Variants in PPFIBP1 observed in about 807,000 individuals in gnomAD.
The protein encoded by PPFIBP1 is liprin-beta-1.
PPFIBP1 carries 112 observed loss-of-function variants against 137.8 expected under a neutral mutation model. That is an observed-to-expected ratio of 0.81 (90% CI 0.70 to 0.95). The LOEUF (loss-of-function observed/expected upper bound fraction) is 0.95. Ranked by LOEUF, PPFIBP1 falls within the 40% of genes least tolerant of loss-of-function variation. PPFIBP1 has a pLI of 0.00. For missense variants in PPFIBP1, 1,083 were observed against 1,196.6 expected (o/e 0.91, Z 1.40); for synonymous variants, 378 against 417.3 (o/e 0.91, Z 1.15).
intron 2 of PPFIBP1, chr12:27,593,871 TG>T: frequency 6.9e-7 from 1 of 1,451,278 alleles, no homozygotes; most frequent in Non-Finnish European, 9.1e-7. Context: ...GCCCCTTGGA[TG>T]GGAGGGAGAA....
chr12:27,635,430 G>A (rs2057586442), intron 4 of PPFIBP1: 1 of 499,544 alleles, frequency 2.0e-6, no homozygotes. Flanking sequence ...TCTTGCACAT[G>A]ATAGATGATT....
At chr12:27,535,245 G>C (rs1592296913) in intron 1 of PPFIBP1, among the ~76,000 whole-genome samples, 1 of 152,040 alleles carries the variant, frequency 6.6e-6, no homozygotes, top group African/African-American at 2.4e-5. Flanking sequence ...CTCTTGACTT[G>C]TCATAGTATT....
chr12:27,537,383 G>A (rs994419909), intron 1 of PPFIBP1, among the ~76,000 whole-genome samples: 1 of 152,022 alleles, frequency 6.6e-6, no homozygotes, highest in Admixed American at 6.6e-5. Flanking sequence ...CGCCGGCCTC[G>A]GCCTCCCAAA....
chr12:27,642,304 G>A (rs1023010828), intron 4 of PPFIBP1, among the ~76,000 whole-genome samples: 3 of 152,198 alleles, frequency 2.0e-5, no homozygotes, highest in African/African-American at 7.2e-5. Flanking sequence ...CTCCAATTTC[G>A]ACTTAGCTGG....
In PPFIBP1 at chr12:27,650,009, G is replaced by C; in HGVS notation, c.472-1G>C. 1.9e-6 allele frequency: 3 copies of C among 1,598,334 alleles called. No individual in the cohort carries two copies. The South Asian group carries it at 3.3e-5, about 18-fold the overall frequency. ...TGAATGTATCTGTTAAATTATAATA[G>C]GAGCTTCTAAGTAGGACATCCTTAG... On this transcript the variant is annotated splice_acceptor_variant, in intron 6 of 29. Transcript: ENST00000228425. LOFTEE classifies it high-confidence loss of function.
At position 27,692,222 on chromosome 12, in the gene PPFIBP1, C is replaced by G. The variant is rs971814482; in HGVS notation, c.2865+294C>G. On this transcript the variant is annotated intron_variant, in intron 28 of 29. Coordinates refer to ENST00000228425, the MANE Select transcript of PPFIBP1 (RefSeq NM_003622.4). ...CTTGCCCAAGGTCCCCAACCTGTCT[C>G]TTTGGCTCCAAAGCCTGTCATATTT... Among the ~76,000 whole-genome samples the G allele has an allele frequency of 1.6e-4, 24 of 152,300 alleles. No individual in the cohort carries two copies. In the South Asian group the frequency reaches 4.4e-3, roughly 28 times the overall value.
Position 27,634,995 on chromosome 12 carries a change from C to G in PPFIBP1, c.150C>G (p.His50Gln). The change falls in exon 4 of 30, where the codon CAC becomes CAG. Residue 50 changes from histidine (H) to glutamine (Q), a missense_variant. Transcript: ENST00000228425. ...TCATGGGAAGTTTGCGAGCTCTGCA[C>G]CTTGTGGAAGACCTGCGTGGATTGT... Reference protein sequence around the residue: ...SPFMGSLRALHLVEDLRGLLE... With the variant: ...SPFMGSLRALQLVEDLRGLLE... 6.2e-7 allele frequency: 1 copy of G among 1,614,074 alleles called. No individual in the cohort carries two copies. Among genetic ancestry groups the G allele is most frequent in the Non-Finnish European group, 8.5e-7 (1 of 1,179,972 alleles).
chr12:27,601,758 C>T (rs1462287335), intron 2 of PPFIBP1, among the ~76,000 whole-genome samples: 2 of 152,172 alleles, frequency 1.3e-5, no homozygotes, highest in East Asian at 1.9e-4. Context: ...TCTCCCACAA[C>T]TTTACCATCT....
At chr12:27,556,539 T>G (rs2048717098) in intron 1 of PPFIBP1, among the ~76,000 whole-genome samples, 1 of 152,314 alleles carries the variant, frequency 6.6e-6, no homozygotes, top group African/African-American at 2.4e-5. Context: ...AATTAGGAAT[T>G]CATGATGGAG....
intron 4 of PPFIBP1, among the ~76,000 whole-genome samples, chr12:27,640,434 G>A (rs996110601): frequency 8.5e-5 from 13 of 152,174 alleles, no homozygotes; most frequent in Non-Finnish European, 1.0e-4. Flanking sequence ...TCACGATATT[G>A]AATGAATGAA....
chr12:27,657,491 A>G lies in PPFIBP1; in HGVS notation c.811+761A>G, dbSNP rs2059278039. Reference sequence around the variant, plus strand: ...TACCAAAGCAATTTCTGAGTCATTCAAAACAGTACAAATTCCAGTTAGCGT... The same window carrying G: ...TACCAAAGCAATTTCTGAGTCATTCGAAACAGTACAAATTCCAGTTAGCGT... On this transcript the variant is annotated intron_variant, in intron 9 of 29. Coordinates refer to ENST00000228425, the MANE Select transcript of PPFIBP1 (RefSeq NM_003622.4). Among the ~76,000 whole-genome samples, 3 of 150,976 alleles carry G rather than the reference A, an allele frequency of 2.0e-5. No individual in the cohort carries two copies. The Admixed American group carries it at 2.0e-4, about 10-fold the overall frequency.
chr12:27,582,928 T>C (rs2051290250), intron 2 of PPFIBP1, among the ~76,000 whole-genome samples: 1 of 152,244 alleles, frequency 6.6e-6, no homozygotes, highest in Admixed American at 6.5e-5. Context: ...CAAATTGTTA[T>C]TTTTCCATCA....
At chr12:27,558,597 A>G (rs1018556358) in intron 1 of PPFIBP1, among the ~76,000 whole-genome samples, 12 of 25,948 alleles carry the variant, frequency 4.6e-4, no homozygotes, top group African/African-American at 1.1e-3. Flanking sequence ...CTCTCCACCA[A>G]CACACACACA....
chr12:27,634,064 TG>T (rs1426448159), intron 3 of PPFIBP1, among the ~76,000 whole-genome samples: 1 of 151,472 alleles, frequency 6.6e-6, no homozygotes, highest in Non-Finnish European at 1.5e-5. Context: ...CTTAAACTCC[TG>T]ACCTCGTGAT....
At chr12:27,674,963 C>T (rs1411193563) in intron 17 of PPFIBP1, among the ~76,000 whole-genome samples, 7 of 149,962 alleles carry the variant, frequency 4.7e-5, no homozygotes, top group African/African-American at 1.5e-4. Flanking sequence ...CAGGCGTGCA[C>T]CACCATACTC....
At chr12:27,671,406 T>C (rs763544278) in intron 13 of PPFIBP1, 25 bp from the exon 14 acceptor site, 3 of 1,328,736 alleles carry the variant, frequency 2.3e-6, no homozygotes, top group Non-Finnish European at 3.1e-6. Flanking sequence ...GATTGATTGA[T>C]TGATTTTTTG....
chr12:27,634,766 G>A (rs1414328693), intron 3 of PPFIBP1, 144 bp from the exon 4 acceptor site: 1 of 719,996 alleles, frequency 1.4e-6, no homozygotes, highest in Admixed American at 2.8e-5. Context: ...ACTCTGACTT[G>A]GAGAGATTTA....
chr12:27,529,107 C>G lies in PPFIBP1; in HGVS notation c.-124+4742C>G, dbSNP rs549830992. Among the ~76,000 whole-genome samples the G allele has an allele frequency of 2.0e-5, 3 of 152,242 alleles. 1 individual carries two copies. Among genetic ancestry groups the G allele is most frequent in the African/African-American group, 7.2e-5 (3 of 41,536 alleles). ...ATAAACTCAAATTGCACTGAGTATC[C>G]GTCATTCTGGCCAAGGGTCATGTCT... is the stretch of plus-strand genomic sequence containing the variant. On this transcript the variant is annotated intron_variant, in intron 1 of 29. Coordinates refer to ENST00000228425, the MANE Select transcript of PPFIBP1 (RefSeq NM_003622.4).
intron 19 of PPFIBP1, 180 bp downstream of exon 19, chr12:27,677,276 A>G: frequency 1.4e-6 from 1 of 694,884 alleles, no homozygotes; most frequent in South Asian, 1.9e-5. Flanking sequence ...CTTTGCTTCC[A>G]AGCCTAAATG....
Sources: allele counts gnomAD v4.1 joint callset (sites outside exome capture counted in the v4.1 genomes callset), GRCh38; gene constraint gnomAD v4.1.1; transcripts MANE v1.5; gene names NCBI Gene and HGNC (gene_info 2026-07-23, HGNC 2026-07-21).